Variants in GABPB2 observed in about 807,000 individuals in gnomAD.
GABPB2 encodes the protein GA-binding protein subunit beta-2.
A neutral mutation model predicts 39.1 loss-of-function variants in GABPB2; 23 were observed. The observed-to-expected ratio is 0.59, with a 90% CI of 0.42 to 0.83. The LOEUF (loss-of-function observed/expected upper bound fraction) is 0.83, where lower values mean the gene tolerates loss of function less well. Among genes scored for constraint, GABPB2 ranks in the 40% least tolerant of loss-of-function variants. GABPB2 has a pLI of 0.00. For missense variants in GABPB2, 467 were observed against 541.1 expected (o/e 0.86, Z 1.36); for synonymous variants, 184 against 199.3 (o/e 0.92, Z 0.65).
At chr1:151,114,029 G>A (rs1330297913) in intron 7 of GABPB2, among the ~76,000 whole-genome samples, 1 of 152,002 alleles carries the variant, frequency 6.6e-6, no homozygotes, top group African/African-American at 2.4e-5. Flanking sequence ...GGACATTTAA[G>A]CTGCTTCCAG....
chr1:151,073,648 G>A (rs919912537), intron 1 of GABPB2, among the ~76,000 whole-genome samples: 3 of 152,102 alleles, frequency 2.0e-5, no homozygotes, highest in Non-Finnish European at 2.9e-5. Context: ...GAAGGCCGGC[G>A]CGGTGGCTCA....
chr1:151,106,187 C>T (rs1329711396), intron 6 of GABPB2, among the ~76,000 whole-genome samples: 2 of 151,730 alleles, frequency 1.3e-5, no homozygotes, highest in African/African-American at 4.8e-5. Context: ...GTCTCGAACC[C>T]CTGACCTCAG....
chr1:151,104,245 G>T (rs930748818), intron 6 of GABPB2, among the ~76,000 whole-genome samples: 1 of 152,166 alleles, frequency 6.6e-6, no homozygotes, highest in African/African-American at 2.4e-5. Context: ...CTAGTGGTCT[G>T]TGGGGGGAAG....
chr1:151,094,267 G>A (rs1359937691), intron 4 of GABPB2, among the ~76,000 whole-genome samples: 1 of 151,810 alleles, frequency 6.6e-6, no homozygotes, highest in African/African-American at 2.4e-5. Flanking sequence ...GCCCAGGCTG[G>A]TCTCGAACTC....
At chr1:151,080,807 G>A (rs1251465809) in intron 1 of GABPB2, among the ~76,000 whole-genome samples, 1 of 149,502 alleles carries the variant, frequency 6.7e-6, no homozygotes, top group Non-Finnish European at 1.5e-5. Context: ...AGTGAGCCGA[G>A]ATTGCGCCAC....
At chr1:151,075,614 C>T (rs780823971) in intron 1 of GABPB2, among the ~76,000 whole-genome samples, 1 of 141,416 alleles carries the variant, frequency 7.1e-6, no homozygotes, top group African/African-American at 2.7e-5. Context: ...GAGACTGGGA[C>T]AGGAGAATCG....
intron 3 of GABPB2, among the ~76,000 whole-genome samples, chr1:151,090,982 A>G (rs1289027695): frequency 6.6e-6 from 1 of 151,796 alleles, no homozygotes; most frequent in Admixed American, 6.6e-5. Flanking sequence ...TGGACAACAG[A>G]GCAAGAATCC....
rs780452255 is a variant in GABPB2 at position 151,118,174 on chromosome 1, AAG to A, written c.1275_1276del (p.Glu425AspfsTer15). 2 of 1,614,126 alleles carry A rather than the reference AAG, an allele frequency of 1.2e-6. No individual in the cohort carries two copies. The highest frequency in any genetic ancestry group is 1.7e-6 in the Non-Finnish European group (2 of 1,180,010). On this transcript the variant is annotated frameshift_variant, in exon 9 of 9. Coordinates refer to ENST00000368918, the MANE Select transcript of GABPB2 (RefSeq NM_144618.3). LOFTEE classifies it low-confidence loss of function (END_TRUNC). ...GTAGTAGTCACAGAGGGGGAGTTGG[AAG>A]AGAGAGAGACAAAAGTGACTGGGTC...
chr1:151,093,124 G>T, intron 3 of GABPB2, 68 bp from the exon 4 acceptor site: 2 of 1,211,454 alleles, frequency 1.7e-6, no homozygotes, highest in South Asian at 1.6e-5. Context: ...CTCTGTATTT[G>T]ATGATGGGAT....
intron 1 of GABPB2, among the ~76,000 whole-genome samples, chr1:151,079,476 G>A (rs896026580): frequency 1.3e-5 from 2 of 152,118 alleles, no homozygotes; most frequent in Non-Finnish European, 2.9e-5. Flanking sequence ...AGGAGGCAGA[G>A]GTTGCAGTGA....
At chr1:151,090,349 G>GT in intron 2 of GABPB2, 57 bp from the exon 3 acceptor site, 2 of 1,487,992 alleles carry the variant, frequency 1.3e-6, no homozygotes, top group Non-Finnish European at 1.9e-6. Context: ...TATCTCTCCA[G>GT]TAACGATCTA....
chr1:151,096,687 C>T (rs1301962070), intron 4 of GABPB2, among the ~76,000 whole-genome samples: 8 of 151,980 alleles, frequency 5.3e-5, no homozygotes, highest in Admixed American at 3.9e-4. Flanking sequence ...GCATATGGAG[C>T]GAGACTTTAA....
In GABPB2 at chr1:151,109,428, G is replaced by A. The variant is rs587748115; in HGVS notation, c.922+2206G>A. ...GGCTGGAGTGCAGTGGCACAATCTC[G>A]GCTCACTGCAACCTCCACCTCCTGG... On this transcript the variant is annotated intron_variant, in intron 7 of 8. Transcript: ENST00000368918. Among the ~76,000 whole-genome samples, 19 of 146,018 alleles carry A rather than the reference G, an allele frequency of 1.3e-4. 1 individual carries two copies. The South Asian group carries it at 2.2e-3, about 17-fold the overall frequency.
chr1:151,104,141 AT>A (rs769791094), intron 6 of GABPB2, among the ~76,000 whole-genome samples: 11 of 152,118 alleles, frequency 7.2e-5, no homozygotes, highest in Non-Finnish European at 5.9e-5. Context: ...TGGAGATGTT[AT>A]TTTGGCATTT....
Position 151,122,784 on chromosome 1 carries a change from G to C in GABPB2, c.*4528G>C, listed in dbSNP as rs1241930609. ...CCCCAAAATCTCTAATACAGGCCAA[G>C]TCATTTTTTATGATGGGTCTCTGAG... On this transcript the variant is annotated 3_prime_UTR_variant, in exon 9 of 9. Transcript: ENST00000368918. 6.6e-6 allele frequency: 1 copy of C among 152,018 alleles called. No individual in the cohort carries two copies. Among genetic ancestry groups the C allele is most frequent in the Non-Finnish European group, 1.5e-5 (1 of 68,010 alleles). 9.4% of individuals were successfully genotyped at this position (152,018 alleles called of 1,614,324 possible).
At chr1:151,089,217 T>C (rs1032520846) in intron 2 of GABPB2, among the ~76,000 whole-genome samples, 1 of 152,128 alleles carries the variant, frequency 6.6e-6, no homozygotes, top group African/African-American at 2.4e-5. Flanking sequence ...ACTGATTAAT[T>C]GAGAGGCCAA....
At chr1:151,080,203 C>T (rs1191074283) in intron 1 of GABPB2, among the ~76,000 whole-genome samples, 2 of 79,408 alleles carry the variant, frequency 2.5e-5, no homozygotes, top group African/African-American at 8.9e-5. Flanking sequence ...CAACAAGAGC[C>T]AAACTCCATC....
At chr1:151,074,807 GTCTT>G (rs1433935687) in intron 1 of GABPB2, among the ~76,000 whole-genome samples, 1 of 152,090 alleles carries the variant, frequency 6.6e-6, no homozygotes, top group Admixed American at 6.6e-5. Context: ...TATCAGCAAA[GTCTT>G]TATGATCTGT....
intron 4 of GABPB2, among the ~76,000 whole-genome samples, chr1:151,095,221 G>T (rs1401344564): frequency 6.6e-6 from 1 of 152,094 alleles, no homozygotes; most frequent in Non-Finnish European, 1.5e-5. Flanking sequence ...GCAAATCAAA[G>T]ACACAGAGGT....
Sources: gnomAD v4.1 joint callset for allele counts (sites outside exome capture counted in the v4.1 genomes callset) on GRCh38, gnomAD v4.1.1 for gene constraint, MANE v1.5 for transcripts, NCBI Gene and HGNC (gene_info 2026-07-23, HGNC 2026-07-21) for gene names.